The following ATP11C variants were observed in gnomAD, a reference collection of about 807,000 sequenced individuals.
ATP11C encodes the protein ATPase phospholipid transporting 11C (ATP11C blood group).
ATP11C carries 36 observed loss-of-function variants against 97.4 expected under a neutral mutation model. That is an observed-to-expected ratio of 0.37 (90% confidence interval 0.28 to 0.49). The LOEUF (loss-of-function observed/expected upper bound fraction) is 0.49. ATP11C is among the 20% of genes least tolerant of loss of function. The pLI is 0.98. For missense variants in ATP11C, 730 were observed against 824.6 expected (o/e 0.89, Z 1.40); for synonymous variants, 275 against 290.9 (o/e 0.95, Z 0.56).
At chrX:139,733,318 G>GC (rs1167690755) in intron 28 of ATP11C, among the ~76,000 whole-genome samples, 1 of 111,687 alleles carries the variant, frequency 9.0e-6, no homozygotes, top group Non-Finnish European at 1.9e-5. Context: ...CTCAGTTTTG[G>GC]CATTGCCCAA....
Position 139,741,061 on chromosome X carries a change from T to A in ATP11C, c.3064A>T (p.Asn1022Tyr). ...AAAGAACCCCAAATCACAAAGTGATTTATCCACGTCCAGAATCGGGTATCC... is the reference window on the plus strand; with the variant it reads ...AAAGAACCCCAAATCACAAAGTGATATATCCACGTCCAGAATCGGGTATCC... ...ALDTRFWTWI[N>Y]HFVIWGSLAF... The change falls in exon 27 of 30, where the codon AAT becomes TAT. Residue 1022 changes from asparagine to tyrosine, a missense_variant. Physicochemically the swap from Asn to Tyr is moderately radical, Grantham distance 143 (BLOSUM62 -2). Transcript: ENST00000682941. 1.7e-6 allele frequency: 2 copies of A among 1,205,964 alleles called. No individual in the cohort carries two copies. The highest frequency in any genetic ancestry group is 2.2e-6 in the Non-Finnish European group (2 of 890,946).
At chrX:139,806,736 C>G (rs142021651) in intron 5 of ATP11C, among the ~76,000 whole-genome samples, 1 of 111,499 alleles carries the variant, frequency 9.0e-6, no homozygotes, top group African/African-American at 3.3e-5. Context: ...CCTAAAAGAA[C>G]CTTTCTCACT....
At chrX:139,924,290 T>C (rs1465655087) in intron 1 of ATP11C, 2 of 367,351 alleles carry the variant, frequency 5.4e-6, no homozygotes, top group East Asian at 7.7e-5. Flanking sequence ...GTGCTTTCAA[T>C]GACAGTATGA....
chrX:139,851,383 CTCTATCTAGATT>C (rs1010761564), intron 1 of ATP11C, among the ~76,000 whole-genome samples: 5 of 112,285 alleles, frequency 4.5e-5, no homozygotes, highest in Non-Finnish European at 9.4e-5. Context: ...GCATAGCTAA[CTCTATCTAGATT>C]TCAAAGGATG....
chrX:139,831,147 G>C (rs893217046), intron 1 of ATP11C, among the ~76,000 whole-genome samples: 1 of 111,654 alleles, frequency 9.0e-6, no homozygotes, highest in Admixed American at 9.5e-5. Context: ...CTTCTGAAGT[G>C]ATTAAGCTGT....
At chrX:139,801,247 T>C (rs1338955783) in intron 7 of ATP11C, among the ~76,000 whole-genome samples, 2 of 112,306 alleles carry the variant, frequency 1.8e-5, no homozygotes, top group Non-Finnish European at 3.8e-5. Context: ...GACCTTACAC[T>C]CACCTCTATT....
chrX:139,890,482 T>C (rs753478180), intron 1 of ATP11C, among the ~76,000 whole-genome samples: 1 of 111,482 alleles, frequency 9.0e-6, no homozygotes, highest in Non-Finnish European at 1.9e-5. Context: ...CAGTGAGCTA[T>C]GAAAATGCCA....
intron 1 of ATP11C, among the ~76,000 whole-genome samples, chrX:139,913,154 T>C (rs902891934): frequency 1.8e-5 from 2 of 111,666 alleles, no homozygotes; most frequent in African/African-American, 3.3e-5. Flanking sequence ...AACTAATTAA[T>C]TGTATTCATA....
intron 20 of ATP11C, among the ~76,000 whole-genome samples, chrX:139,764,140 C>G (rs1355393241): frequency 8.9e-6 from 1 of 111,856 alleles, no homozygotes; most frequent in African/African-American, 3.3e-5. Flanking sequence ...CTCACCTTCC[C>G]TAGGAGCACA....
At chrX:139,838,812 G>A (rs2083785620) in intron 1 of ATP11C, among the ~76,000 whole-genome samples, 1 of 111,342 alleles carries the variant, frequency 9.0e-6, no homozygotes, top group Admixed American at 9.5e-5. Flanking sequence ...TCCAGGCGTG[G>A]TGGCAGATGC....
In ATP11C at chrX:139,768,262, G is replaced by A; in HGVS notation, c.2389C>T (p.Gln797Ter). The A allele has an allele frequency of 9.2e-7, 1 of 1,088,110 alleles. No homozygotes were observed. Among genetic ancestry groups the A allele is most frequent in the Non-Finnish European group, 1.2e-6 (1 of 826,366 alleles). 89.7% of individuals were successfully genotyped at this position (1,088,110 alleles called of 1,213,427 possible). A position where few individuals can be genotyped will look rare whatever the true frequency, so the allele number is the denominator to read the frequency against. ...CCRMAPLQKAQIVRMVKNLKG... is the reference protein window; with the variant it reads ...CCRMAPLQKA ...CGTTAACTAATATTCACAGTTACCT[G>A]GGCTTTCTGTAATGGTGCCATCCGA... is the stretch of plus-strand genomic sequence containing the variant. The change falls in exon 20 of 30, where the codon CAG (glutamine) becomes TAG (stop). Residue 797 changes from glutamine to a stop codon, truncating the protein, a stop_gained and splice_region_variant. Transcript: ENST00000682941. LOFTEE classifies it high-confidence loss of function.
chrX:139,931,843 T>A (rs1569494564), intron 1 of ATP11C, among the ~76,000 whole-genome samples, 173 bp downstream of exon 1: 1 of 110,107 alleles, frequency 9.1e-6, no homozygotes. Flanking sequence ...GAGCCCTACC[T>A]GCCTCCCCTC....
At chrX:139,856,492 C>A (rs2084092204) in intron 1 of ATP11C, among the ~76,000 whole-genome samples, 1 of 112,713 alleles carries the variant, frequency 8.9e-6, no homozygotes, top group Admixed American at 9.4e-5. Flanking sequence ...TTACTGGACA[C>A]TCTGCCAAGT....
chrX:139,901,213 TGGA>T (rs960254187), intron 1 of ATP11C, among the ~76,000 whole-genome samples: 1 of 111,413 alleles, frequency 9.0e-6, no homozygotes, highest in African/African-American at 3.3e-5. Context: ...CATGGCCCTG[TGGA>T]GACGTGAGGG....
Position 139,836,026 on chromosome X carries a change from C to CAA in ATP11C, c.28-9205_28-9204dup, listed in dbSNP as rs755398033. 2.3e-3 allele frequency among the ~76,000 whole-genome samples: 66 copies of CAA among 28,687 alleles called. 4 individuals are homozygous for CAA. Among genetic ancestry groups the CAA allele is most frequent in the East Asian group, 7.5e-3 (4 of 533 alleles). The allele number at this position is 28,687 out of a possible 115,157, so 24.9% of individuals were successfully genotyped here. A position where few individuals can be genotyped will look rare whatever the true frequency, so the allele number is the denominator to read the frequency against. On this transcript the variant is annotated intron_variant, in intron 1 of 29. Coordinates refer to ENST00000682941, the MANE Select transcript of ATP11C (RefSeq NM_001353812.2). ...TGGGTGACAGAGCGAGACTCCATCT[C>CAA]AAAAAAAAAAAAAAAAAAAAAAAAA...
At chrX:139,788,697 C>T (rs916761294) in intron 13 of ATP11C, among the ~76,000 whole-genome samples, 5 of 110,949 alleles carry the variant, frequency 4.5e-5, no homozygotes, top group African/African-American at 1.6e-4. Flanking sequence ...AATTTAATGC[C>T]TAGACACTCC....
chrX:139,801,035 T>G (rs143440263), intron 7 of ATP11C, among the ~76,000 whole-genome samples: 1 of 112,259 alleles, frequency 8.9e-6, no homozygotes, highest in Non-Finnish European at 1.9e-5. Context: ...ACTAGAGTGA[T>G]AGAAGTACAA....
intron 1 of ATP11C, among the ~76,000 whole-genome samples, chrX:139,895,309 T>C (rs2084788482): frequency 8.9e-6 from 1 of 111,770 alleles, no homozygotes; most frequent in South Asian, 3.7e-4. Flanking sequence ...TCTTGCTCTG[T>C]CACTCAGTCT....
chrX:139,793,505 T>C (rs896135860), intron 12 of ATP11C, among the ~76,000 whole-genome samples: 1 of 111,436 alleles, frequency 9.0e-6, no homozygotes, highest in Non-Finnish European at 1.9e-5. Context: ...CTGAAGTATA[T>C]GTTGAACATG....
Sources: gnomAD v4.1 joint callset for allele counts (sites outside exome capture counted in the v4.1 genomes callset) on GRCh38, gnomAD v4.1.1 for gene constraint, MANE v1.5 for transcripts, NCBI Gene and HGNC (gene_info 2026-07-23, HGNC 2026-07-21) for gene names.